The following FCHSD2 variants were observed in gnomAD, a reference collection of about 807,000 sequenced individuals.
FCHSD2 encodes F-BAR and double SH3 domains protein 2.
A neutral mutation model predicts 108.1 loss-of-function variants in FCHSD2; 38 were observed. The observed-to-expected ratio is 0.35, with a 90% CI of 0.27 to 0.46. FCHSD2 has a LOEUF of 0.46. Ranked by LOEUF, FCHSD2 falls within the 20% of genes least tolerant of loss-of-function variation. FCHSD2 has a pLI of 1.00. For missense variants in FCHSD2, 751 were observed against 897.8 expected (o/e 0.84, Z 2.09); for synonymous variants, 279 against 314.7 (o/e 0.89, Z 1.20).
At chr11:73,105,207 GA>G (rs1860314585) in intron 2 of FCHSD2, among the ~76,000 whole-genome samples, 1 of 152,252 alleles carries the variant, frequency 6.6e-6, no homozygotes, top group Admixed American at 6.5e-5. Context: ...GAAGACTTAG[GA>G]AAAGAACCTA....
At chr11:72,945,631 T>A (rs7941434) in intron 8 of FCHSD2, among the ~76,000 whole-genome samples, 4 of 152,266 alleles carry the variant, frequency 2.6e-5, no homozygotes, top group South Asian at 2.1e-4. Flanking sequence ...AATGGGAGAA[T>A]ATTTTTGCAA....
At chr11:73,102,485 A>T (rs527775949) in intron 2 of FCHSD2, among the ~76,000 whole-genome samples, 1 of 152,378 alleles carries the variant, frequency 6.6e-6, no homozygotes, top group South Asian at 2.1e-4. Flanking sequence ...GAAAGCAATG[A>T]AACGAAACAT....
chr11:72,898,199 G>A (rs1023665529), intron 10 of FCHSD2, among the ~76,000 whole-genome samples: 1 of 152,098 alleles, frequency 6.6e-6, no homozygotes, highest in African/African-American at 2.4e-5. Context: ...GACTTTTGTA[G>A]GGAAAACAGT....
rs115410165 is a variant in FCHSD2, at chr11:72,889,727, C to A, written c.1041+102G>T. On this transcript the variant is annotated intron_variant, in intron 11 of 19. Coordinates refer to ENST00000409418, the MANE Select transcript of FCHSD2 (RefSeq NM_014824.3). ...GCCTCTTGTCTCAAATAAAACAAAA[C>A]AACACATATAGGATATTTTTCACAT... 384 of 688,378 alleles carry A rather than the reference C, an allele frequency of 5.6e-4. 1 individual carries two copies. In the African/African-American group the frequency reaches 6.1e-3, roughly 11 times the overall value. The allele number at this position is 688,378 out of a possible 1,614,324, so 42.6% of individuals were successfully genotyped here. A position where few individuals can be genotyped will look rare whatever the true frequency, so the allele number is the denominator to read the frequency against.
At chr11:72,843,352 A>G in intron 15 of FCHSD2, 24 bp from the exon 16 acceptor site, 1 of 1,601,710 alleles carries the variant, frequency 6.2e-7, no homozygotes, top group Non-Finnish European at 8.5e-7. Flanking sequence ...ATGTGACAAA[A>G]CAAGTTTACA....
intron 2 of FCHSD2, among the ~76,000 whole-genome samples, chr11:73,120,933 C>T (rs1860719355): frequency 6.6e-6 from 1 of 151,732 alleles, no homozygotes; most frequent in African/African-American, 2.4e-5. Flanking sequence ...ACATAGGCTC[C>T]CCACGAAATC....
chr11:73,117,545 C>T (rs1400929841), intron 2 of FCHSD2, among the ~76,000 whole-genome samples: 1 of 152,108 alleles, frequency 6.6e-6, no homozygotes, highest in Non-Finnish European at 1.5e-5. Context: ...TTATATAGGG[C>T]ATTCATTTTC....
At chr11:72,959,058 T>G (rs1856771233) in intron 8 of FCHSD2, among the ~76,000 whole-genome samples, 1 of 151,322 alleles carries the variant, frequency 6.6e-6, no homozygotes, top group South Asian at 2.1e-4. Context: ...ACACATCTCC[T>G]TACATATCAG....
intron 3 of FCHSD2, among the ~76,000 whole-genome samples, chr11:73,078,049 C>T (rs1859598589): frequency 6.6e-6 from 1 of 152,024 alleles, no homozygotes; most frequent in Admixed American, 6.6e-5. Context: ...GATGTGTTTG[C>T]CTTGAAAATT....
chr11:72,866,205 G>A (rs1215737094), intron 13 of FCHSD2, among the ~76,000 whole-genome samples: 1 of 152,166 alleles, frequency 6.6e-6, no homozygotes, highest in Non-Finnish European at 1.5e-5. Context: ...ATGACTTTTA[G>A]AAAGTGCAAT....
At chr11:73,078,862 C>G (rs1047485526) in intron 3 of FCHSD2, among the ~76,000 whole-genome samples, 1 of 152,150 alleles carries the variant, frequency 6.6e-6, no homozygotes, top group Non-Finnish European at 1.5e-5. Context: ...CGACTAGAGG[C>G]ATGCGTCACC....
chr11:72,964,134 A>G (rs1202419336), intron 8 of FCHSD2, among the ~76,000 whole-genome samples: 1 of 152,240 alleles, frequency 6.6e-6, no homozygotes, highest in Non-Finnish European at 1.5e-5. Context: ...CAGCATTCAA[A>G]TATTTCTCTA....
intron 10 of FCHSD2, among the ~76,000 whole-genome samples, chr11:72,892,718 C>T (rs1409339109): frequency 6.6e-6 from 1 of 152,002 alleles, no homozygotes; most frequent in Non-Finnish European, 1.5e-5. Flanking sequence ...GATCCTCCTG[C>T]CTCAGCCTCC....
At position 73,142,010 on chromosome 11, in the gene FCHSD2, G is replaced by A; in HGVS notation, c.-133C>T. On this transcript the variant is annotated 5_prime_UTR_variant, in exon 1 of 20. Coordinates refer to ENST00000409418, the MANE Select transcript of FCHSD2 (RefSeq NM_014824.3). ...AAGGAGCGCTTAAGAAGCAAGACTT[G>A]CCCCGGAGGGAGCAGGCCAGCGGGC... 1.2e-6 allele frequency: 1 copy of A among 851,438 alleles called. No homozygotes were observed. Among genetic ancestry groups the A allele is most frequent in the Non-Finnish European group, 1.8e-6 (1 of 554,748 alleles). 52.7% of individuals were successfully genotyped at this position (851,438 alleles called of 1,614,324 possible). A position where few individuals can be genotyped will look rare whatever the true frequency, so the allele number is the denominator to read the frequency against.
intron 2 of FCHSD2, among the ~76,000 whole-genome samples, chr11:73,132,869 GA>G (rs908917451): frequency 1.3e-5 from 2 of 150,748 alleles, no homozygotes; most frequent in Admixed American, 6.6e-5. Flanking sequence ...CATAGAATGG[GA>G]AAAAAATACT....
intron 2 of FCHSD2, among the ~76,000 whole-genome samples, chr11:73,117,458 C>T (rs538989859): frequency 7.2e-5 from 11 of 152,234 alleles, no homozygotes; most frequent in Non-Finnish European, 1.2e-4. Context: ...AACCCACTAC[C>T]TTTCAATCTG....
At chr11:73,114,906 T>C (rs1860569454) in intron 2 of FCHSD2, among the ~76,000 whole-genome samples, 1 of 152,054 alleles carries the variant, frequency 6.6e-6, no homozygotes, top group Admixed American at 6.5e-5. Context: ...GTGGCACAAG[T>C]ACTCCCTCGG....
At chr11:73,026,547 T>C (rs1378842971) in intron 3 of FCHSD2, among the ~76,000 whole-genome samples, 1 of 152,144 alleles carries the variant, frequency 6.6e-6, no homozygotes, top group Non-Finnish European at 1.5e-5. Context: ...AAAACAGATA[T>C]ACAGTGCTCT....
intron 3 of FCHSD2, among the ~76,000 whole-genome samples, chr11:73,044,848 A>G (rs538775805): frequency 3.3e-5 from 5 of 152,292 alleles, no homozygotes; most frequent in African/African-American, 1.2e-4. Flanking sequence ...AGGCAGGTGG[A>G]TCACGAGGTC....
Sources: gnomAD v4.1 joint callset for allele counts (sites outside exome capture counted in the v4.1 genomes callset) on GRCh38, gnomAD v4.1.1 for gene constraint, MANE v1.5 for transcripts, NCBI Gene and HGNC (gene_info 2026-07-23, HGNC 2026-07-21) for gene names.